CNTNAP2: variants seen among roughly 807,000 people sequenced by gnomAD.
CNTNAP2 encodes contactin-associated protein-like 2.
In CNTNAP2, 98 loss-of-function variants were observed where a neutral mutation model predicts 155.2. The observed-to-expected ratio is 0.63, with a 90% CI of 0.54 to 0.75. The LOEUF is 0.75. Among genes scored for constraint, CNTNAP2 ranks in the 30% least tolerant of loss-of-function variants. The pLI is 0.00. For missense variants in CNTNAP2, 1,727 were observed against 1,688.1 expected, an observed-to-expected ratio of 1.02 and a Z score of -0.40; for synonymous variants, 651 against 631.2, an observed-to-expected ratio of 1.03 and a Z score of -0.47.
chr7:147,367,009 G>A (rs916018129), intron 9 of CNTNAP2, among the ~76,000 whole-genome samples: 3 of 152,088 alleles, frequency 2.0e-5, no homozygotes, highest in African/African-American at 7.2e-5. Context: ...GTTTAGGTGT[G>A]AAGTTTATTT....
intron 4 of CNTNAP2, among the ~76,000 whole-genome samples, chr7:147,050,591 A>G (rs952107002): frequency 8.5e-5 from 13 of 152,206 alleles, no homozygotes; most frequent in Non-Finnish European, 1.6e-4. Context: ...GGTCATTTTC[A>G]TGCTGTGTTG....
chr7:147,995,941 T>C (rs996831625), intron 15 of CNTNAP2, among the ~76,000 whole-genome samples: 3 of 152,210 alleles, frequency 2.0e-5, no homozygotes, highest in Non-Finnish European at 4.4e-5. Context: ...GCTACATAAT[T>C]TGCAAAGTCC....
chr7:147,722,074 T>C (rs1796574742), intron 13 of CNTNAP2, among the ~76,000 whole-genome samples: 1 of 152,164 alleles, frequency 6.6e-6, no homozygotes, highest in African/African-American at 2.4e-5. Flanking sequence ...TTTTGAGGAA[T>C]TGTCTTTTCC....
chr7:146,225,938 G>A (rs535183545), intron 1 of CNTNAP2, among the ~76,000 whole-genome samples: 1 of 152,154 alleles, frequency 6.6e-6, no homozygotes, highest in Non-Finnish European at 1.5e-5. Flanking sequence ...TCCATTCTTT[G>A]CAGCCAGTAT....
chr7:147,592,298 G>A (rs764881356), intron 12 of CNTNAP2, among the ~76,000 whole-genome samples: 4 of 151,962 alleles, frequency 2.6e-5, no homozygotes, highest in African/African-American at 9.7e-5. Context: ...TATTCTAATG[G>A]TAATCAATAT....
intron 17 of CNTNAP2, among the ~76,000 whole-genome samples, chr7:148,150,140 C>T (rs1056616018): frequency 1.4e-5 from 2 of 147,154 alleles, no homozygotes; most frequent in Non-Finnish European, 3.0e-5. Context: ...AGGACGGCCA[C>T]GGTGGCTCAC....
chr7:147,227,827 G>A (rs1803583961), intron 8 of CNTNAP2, among the ~76,000 whole-genome samples: 1 of 152,108 alleles, frequency 6.6e-6, no homozygotes, highest in Admixed American at 6.6e-5. Context: ...CATGATCTGG[G>A]GGTGTACAAC....
intron 21 of CNTNAP2, among the ~76,000 whole-genome samples, chr7:148,286,010 G>C (rs1369340525): frequency 6.6e-6 from 1 of 152,026 alleles, no homozygotes; most frequent in Non-Finnish European, 1.5e-5. Flanking sequence ...CTAGAGAAAA[G>C]AAAACATTAT....
intron 1 of CNTNAP2, among the ~76,000 whole-genome samples, chr7:146,559,212 T>C (rs1380616550): frequency 3.3e-5 from 5 of 151,432 alleles, no homozygotes; most frequent in Non-Finnish European, 7.4e-5. Flanking sequence ...TATATATACA[T>C]ACACACACAC....
chr7:146,634,402 G>A (rs1216370241), intron 1 of CNTNAP2, among the ~76,000 whole-genome samples: 1 of 152,110 alleles, frequency 6.6e-6, no homozygotes, highest in Non-Finnish European at 1.5e-5. Flanking sequence ...AGGAAATAAT[G>A]TTTTCTGATT....
chr7:147,775,938 G>A (rs1430779047), intron 13 of CNTNAP2, among the ~76,000 whole-genome samples: 7 of 152,164 alleles, frequency 4.6e-5, no homozygotes, highest in Admixed American at 3.3e-4. Context: ...AATAATGAGG[G>A]AATGGATTTG....
intron 8 of CNTNAP2, among the ~76,000 whole-genome samples, chr7:147,204,222 A>G (rs1316832241): frequency 1.3e-5 from 2 of 152,042 alleles, no homozygotes; most frequent in Non-Finnish European, 2.9e-5. Context: ...TGCATATAGA[A>G]TAAATGTAAT....
In CNTNAP2 at chr7:147,106,854, T is replaced by C. The variant is rs1485845025; in HGVS notation, c.551-1293T>C. On this transcript the variant is annotated intron_variant, in intron 4 of 23. Coordinates refer to ENST00000361727, the MANE Select transcript of CNTNAP2 (RefSeq NM_014141.6). ...AATTTATTTGGTGGTATGCTCCACTTACAAGGCAAACCAAAGTGTTCCTCG... is the reference window on the plus strand; with the variant it reads ...AATTTATTTGGTGGTATGCTCCACTCACAAGGCAAACCAAAGTGTTCCTCG... 2.0e-5 allele frequency among the ~76,000 whole-genome samples: 3 copies of C among 152,292 alleles called. No homozygotes were observed. In the East Asian group the frequency reaches 5.8e-4, roughly 29 times the overall value.
chr7:147,669,234 A>T (rs959018142), intron 13 of CNTNAP2, among the ~76,000 whole-genome samples: 8 of 152,228 alleles, frequency 5.3e-5, no homozygotes, highest in Admixed American at 4.6e-4. Flanking sequence ...ACACAAAATA[A>T]GATTTTACAC....
At chr7:146,219,292 A>G (rs1411199559) in intron 1 of CNTNAP2, among the ~76,000 whole-genome samples, 2 of 152,178 alleles carry the variant, frequency 1.3e-5, no homozygotes, top group African/African-American at 4.8e-5. Context: ...CAGTAAGCTA[A>G]TGAATACACA....
intron 10 of CNTNAP2, among the ~76,000 whole-genome samples, chr7:147,463,816 A>C (rs575325932): frequency 3.1e-4 from 47 of 152,352 alleles, no homozygotes; most frequent in African/African-American, 1.1e-3. Context: ...ATAACAAAAC[A>C]GTAGTAATTG....
At position 147,636,464 on chromosome 7, in the gene CNTNAP2, T is replaced by C. The variant is rs144802897; in HGVS notation, c.1898-2642T>C. ...ATTTTCCTTTAAGTTCTTGGATACA[T>C]GTGCAGAACGTGCAGGTTTGTTACA... On this transcript the variant is annotated intron_variant, in intron 12 of 23. Transcript: ENST00000361727. Among the ~76,000 whole-genome samples, 1,088 of 152,298 alleles carry C rather than the reference T, an allele frequency of 7.1e-3. 12 individuals carry two copies. The highest frequency in any genetic ancestry group is 0.025 in the African/African-American group (1,036 of 41,546).
At chr7:147,256,472 T>C (rs1804330791) in intron 8 of CNTNAP2, among the ~76,000 whole-genome samples, 2 of 152,130 alleles carry the variant, frequency 1.3e-5, no homozygotes, top group South Asian at 4.2e-4. Flanking sequence ...GGGTGTTAAA[T>C]GTAGGAGCAG....
chr7:147,198,450 T>G (rs201880898), intron 8 of CNTNAP2, among the ~76,000 whole-genome samples: 1 of 152,190 alleles, frequency 6.6e-6, no homozygotes, highest in East Asian at 1.9e-4. Context: ...CAGGCTGGTC[T>G]TGAATTCCTG....
Sources: allele counts gnomAD v4.1 joint callset (sites outside exome capture counted in the v4.1 genomes callset), GRCh38; gene constraint gnomAD v4.1.1; transcripts MANE v1.5; gene names NCBI Gene and HGNC (gene_info 2026-07-23, HGNC 2026-07-21).